DCXR: variants seen among roughly 807,000 people sequenced by gnomAD.
The protein encoded by DCXR is L-xylulose reductase.
Under a neutral mutation model 25.9 loss-of-function variants are expected in DCXR, and 24 were observed. The ratio of observed to expected loss-of-function variants is 0.93; its 90% CI spans 0.67 to 1.30. DCXR has a LOEUF of 1.30. Ranked by LOEUF, DCXR falls within the 50% of genes most tolerant of loss-of-function variation. The pLI is 0.00. For missense variants in DCXR, 348 were observed against 333.7 expected, an observed-to-expected ratio of 1.04 and a Z score of -0.33; for synonymous variants, 161 against 141.7, an observed-to-expected ratio of 1.14 and a Z score of -0.97.
Position 82,036,240 on chromosome 17 carries a change from G to A in DCXR, c.582C>T (p.Pro194=). Reference sequence around the variant, plus strand: ...GGTTCAGCATAGTCTTGGCCTTGTGGGGGTCACTCCAGGTGGCCTGGCCCA... The same window carrying A: ...GGTTCAGCATAGTCTTGGCCTTGTGAGGGTCACTCCAGGTGGCCTGGCCCA... ...TSMGQATWSD[P]HKAKTMLNRI... Residue 194 remains proline, a synonymous_variant, in exon 7 of 8, where the codon CCC becomes CCT. Transcript: ENST00000306869. The A allele has an allele frequency of 6.2e-7, 1 of 1,613,468 alleles. No homozygotes were observed. Among genetic ancestry groups the A allele is most frequent in the South Asian group, 1.1e-5 (1 of 91,084 alleles).
chr17:82,036,896 G>C lies in DCXR; in HGVS notation c.268C>G (p.Gln90Glu). ...LVNNAAVALL[Q>E]PFLEVTKEAF... ...TCCTTGGTGACCTCCAGGAAGGGCT[G>C]CAGCAGGGCGACAGCGGCGTTGTTC... The change falls in exon 3 of 8, where the codon CAG (glutamine) becomes GAG (glutamate). Residue 90 changes from glutamine to glutamate, a missense_variant. By Grantham distance (29) the Gln-to-Glu change is conservative (BLOSUM62 2). Transcript: ENST00000306869. The C allele has an allele frequency of 6.2e-7, 1 of 1,613,114 alleles. No homozygotes were observed.
intron 7 of DCXR, 51 bp from the exon 8 acceptor site, chr17:82,036,114 T>G: frequency 6.2e-7 from 1 of 1,607,608 alleles, no homozygotes; most frequent in Non-Finnish European, 8.5e-7. Flanking sequence ...CTGCCGCCCA[T>G]CTTTCCCTCC....
intron 2 of DCXR, 88 bp downstream of exon 2, chr17:82,037,362 C>T (rs893463744): frequency 1.5e-4 from 201 of 1,330,934 alleles, no homozygotes; most frequent in Non-Finnish European, 1.8e-4. Context: ...CGAGGGGAGG[C>T]GGAGTCGCGC....
chr17:82,037,400 G>GC, intron 2 of DCXR, 50 bp downstream of exon 2: 2 of 1,493,236 alleles, frequency 1.3e-6, no homozygotes, highest in South Asian at 1.2e-5. Context: ...GCTCGCTGCC[G>GC]CCCCCTCCTG....
At chr17:82,036,095 G>A (rs748458085) in intron 7 of DCXR, 32 bp from the exon 8 acceptor site, 2 of 1,609,354 alleles carry the variant, frequency 1.2e-6, no homozygotes, top group East Asian at 2.2e-5. Flanking sequence ...GGGGCATAGA[G>A]GAAGGAGGCT....
rs753109310 is a variant in DCXR at position 82,036,643 on chromosome 17, T to C, written c.349A>G (p.Ile117Val). The change falls in exon 5 of 8, where the codon ATT becomes GTT. Residue 117 changes from isoleucine (I) to valine (V), a missense_variant and splice_region_variant. Ile to Val is a conservative substitution (Grantham distance 29). Transcript: ENST00000306869. ...CGGGCTATTAAGCCCCTGGCCACAA[T>C]CTGGAATCGCAGCGAGACCGTGAGG... ...NLRAVIQVSQ[I>V]VARGLIARGV... The C allele has an allele frequency of 6.2e-7, 1 of 1,613,270 alleles. No individual in the cohort carries two copies. Among genetic ancestry groups the C allele is most frequent in the South Asian group, 1.1e-5 (1 of 91,082 alleles).
chr17:82,036,665 G>A (rs1487444343), intron 4 of DCXR, 22 bp from the exon 5 acceptor site: 1 of 1,613,350 alleles, frequency 6.2e-7, no homozygotes, highest in Non-Finnish European at 8.5e-7. Context: ...GCGAGACCGT[G>A]AGGCAGAGCT....
At position 82,037,685 on chromosome 17, in the gene DCXR, CG is replaced by C. The variant is rs1216719746; in HGVS notation, c.-4del. 6.3e-7 allele frequency: 1 copy of C among 1,589,422 alleles called. No homozygotes were observed. The highest frequency in any genetic ancestry group is 8.5e-7 in the Non-Finnish European group (1 of 1,175,726). ...CGGCCCGCGAGGAACAGCTCCATGT[CG>C]GCGCAGTCTCCGCCCTCCGCACTGG... On this transcript the variant is annotated 5_prime_UTR_variant, in exon 1 of 8. Coordinates refer to ENST00000306869, the MANE Select transcript of DCXR (RefSeq NM_016286.4).
chr17:82,036,001 C>T lies in DCXR; in HGVS notation c.694G>A (p.Gly232Ser), dbSNP rs762048891. Residue 232 changes from glycine (G) to serine (S), a missense_variant, in exon 8 of 8, where the codon GGT becomes AGT. Transcript: ENST00000306869. ...CCCCCTTCCACCGGCAAAGTGGAAC[C>T]CGTGGTCATGCCACTTCGGTCACTC... ...LLSDRSGMTTGSTLPVEGGFW... is the reference protein window; with the variant it reads ...LLSDRSGMTTSSTLPVEGGFW... 6.8e-6 allele frequency: 11 copies of T among 1,613,346 alleles called. No homozygotes were observed. Among genetic ancestry groups the T allele is most frequent in the Admixed American group, 1.7e-5 (1 of 60,024 alleles).
intron 7 of DCXR, 30 bp downstream of exon 7, chr17:82,036,161 C>G: frequency 6.2e-7 from 1 of 1,610,650 alleles, no homozygotes; most frequent in East Asian, 2.2e-5. Context: ...ACTGCTGGCA[C>G]CACGCTGGCT....
chr17:82,037,256 C>T, intron 2 of DCXR, 194 bp downstream of exon 2: 1 of 860,114 alleles, frequency 1.2e-6, no homozygotes, highest in Non-Finnish European at 1.7e-6. Flanking sequence ...CCGGGGGCCC[C>T]GGCGGCTCTG....
intron 2 of DCXR, 152 bp downstream of exon 2, chr17:82,037,298 G>GC (rs1466586665): frequency 1.0e-6 from 1 of 1,003,756 alleles, no homozygotes; most frequent in Non-Finnish European, 1.4e-6. Flanking sequence ...CAGGCCACCA[G>GC]CCCCGAGAGA....
intron 2 of DCXR, 108 bp from the exon 3 acceptor site, chr17:82,037,121 T>TC: frequency 7.1e-7 from 1 of 1,399,712 alleles, no homozygotes; most frequent in Middle Eastern, 2.5e-4. Context: ...AGTTAGGAGT[T>TC]CCGAAGGTGT....
chr17:82,035,957 A>G lies in DCXR; in HGVS notation c.*3T>C. On this transcript the variant is annotated 3_prime_UTR_variant, in exon 8 of 8. Transcript: ENST00000306869. Reference sequence around the variant, plus strand: ...CATGGGGCTTGAGGTGTGTGGAGGGAGCTCAGCAGGCCCAGAAGCCCCCTT... The same window carrying G: ...CATGGGGCTTGAGGTGTGTGGAGGGGGCTCAGCAGGCCCAGAAGCCCCCTT... 6.2e-7 allele frequency: 1 copy of G among 1,611,228 alleles called. No homozygotes were observed. The highest frequency in any genetic ancestry group is 8.5e-7 in the Non-Finnish European group (1 of 1,178,790).
chr17:82,037,220 G>C, intron 2 of DCXR: 1 of 848,870 alleles, frequency 1.2e-6, no homozygotes, highest in Non-Finnish European at 1.8e-6. Context: ...GGCCTGCTTC[G>C]CAGCCATTTC....
chr17:82,037,517 T>G lies in DCXR; in HGVS notation c.83A>C (p.His28Pro), dbSNP rs2043507272. ...AGCCACCACCCGCGCGCCCGTCGCG[T>G]GCAGCGCCTGGACCGTGCCGCGCCC... is the stretch of plus-strand genomic sequence containing the variant. ...GIGRGTVQALHATGARVVAVS... is the reference protein window; with the variant it reads ...GIGRGTVQALPATGARVVAVS... The change falls in exon 2 of 8, where the codon CAC (histidine) becomes CCC (proline). Residue 28 changes from histidine (H) to proline (P), a missense_variant. By Grantham distance (77) the His-to-Pro change is moderately conservative. Transcript: ENST00000306869. 1 of 1,542,220 alleles carries G rather than the reference T, an allele frequency of 6.5e-7. No homozygotes were observed. Among genetic ancestry groups the G allele is most frequent in the Non-Finnish European group, 8.7e-7 (1 of 1,151,264 alleles).
rs2043498132 is a variant in DCXR, at chr17:82,036,924, C to G, written c.240G>C (p.Leu80=). The change falls in exon 3 of 8, where the codon CTG becomes CTC. Residue 80 remains leucine, a synonymous_variant. Transcript: ENST00000306869. ...GCAGGGCGACAGCGGCGTTGTTCACCAGCAGGTCCACGGGGCCCACGCTGC... is the reference window on the plus strand; with the variant it reads ...GCAGGGCGACAGCGGCGTTGTTCACGAGCAGGTCCACGGGGCCCACGCTGC... ...ALGSVGPVDL[L]VNNAAVALLQ... is the part of the protein sequence containing the mutation. The G allele has an allele frequency of 4.3e-6, 7 of 1,612,306 alleles. No homozygotes were observed. In the South Asian group the frequency reaches 7.7e-5, roughly 18 times the overall value.
At chr17:82,037,125 A>AC in intron 2 of DCXR, 112 bp from the exon 3 acceptor site, 2 of 1,398,460 alleles carry the variant, frequency 1.4e-6, no homozygotes, top group Non-Finnish European at 2.0e-6. Context: ...AGGAGTTCCG[A>AC]AGGTGTCGGG....
Position 82,036,979 on chromosome 17 carries a change from C to G in DCXR, c.185G>C (p.Gly62Ala). The G allele has an allele frequency of 6.3e-7, 1 of 1,583,424 alleles. No individual in the cohort carries two copies. The highest frequency in any genetic ancestry group is 8.6e-7 in the Non-Finnish European group (1 of 1,165,668). ...PGIEPVCVDL[G>A]DWEATERALG... ...CGCCCGCTCGGTGGCCTCCCAGTCA[C>G]CCAGGTCCACGCACACGGGTTCTAT... Residue 62 changes from glycine (G) to alanine (A), a missense_variant, in exon 3 of 8, where the codon GGT (glycine) becomes GCT (alanine). Physicochemically the swap from Gly to Ala is moderately conservative, Grantham distance 60. Transcript: ENST00000306869.
Sources: gnomAD v4.1 joint callset for allele counts on GRCh38, gnomAD v4.1.1 for gene constraint, MANE v1.5 for transcripts, NCBI Gene and HGNC (gene_info 2026-07-23, HGNC 2026-07-21) for gene names.